Variants in SCAI observed in about 807,000 individuals in gnomAD.
SCAI encodes the protein protein SCAI.
In SCAI, 24 loss-of-function variants were observed where a neutral mutation model predicts 92.2. The observed-to-expected ratio is 0.26, with a 90% CI of 0.19 to 0.37. The LOEUF (loss-of-function observed/expected upper bound fraction) is 0.37, where lower values mean the gene tolerates loss of function less well. SCAI is among the 10% of genes least tolerant of loss of function. The pLI is 1.00. For synonymous variants in SCAI, 261 were observed against 258.6 expected (o/e 1.01, Z -0.09); for missense variants, 450 against 736.2 (o/e 0.61, Z 4.50).
At chr9:125,137,217 A>T (rs1167836287) in intron 2 of SCAI, among the ~76,000 whole-genome samples, 1 of 152,162 alleles carries the variant, frequency 6.6e-6, no homozygotes, top group Non-Finnish European at 1.5e-5. Context: ...CTTTAAATAC[A>T]TGTGCTGGTT....
chr9:125,038,521 G>A (rs1211470076), intron 3 of SCAI, among the ~76,000 whole-genome samples: 4 of 152,146 alleles, frequency 2.6e-5, no homozygotes, highest in Non-Finnish European at 4.4e-5. Flanking sequence ...TTCTGAATAT[G>A]TCTTCTTGAT....
intron 2 of SCAI, among the ~76,000 whole-genome samples, chr9:125,058,404 A>G (rs1036450328): frequency 6.6e-6 from 1 of 152,154 alleles, no homozygotes; most frequent in Admixed American, 6.6e-5. Flanking sequence ...GTCCCCAGCT[A>G]CTAGGAAGGC....
At chr9:125,092,676 C>T (rs1288865464) in intron 2 of SCAI, among the ~76,000 whole-genome samples, 1 of 152,242 alleles carries the variant, frequency 6.6e-6, no homozygotes, top group Non-Finnish European at 1.5e-5. Context: ...ATCAACTGTT[C>T]TCTTCTTGCA....
intron 2 of SCAI, among the ~76,000 whole-genome samples, chr9:125,077,377 CT>C (rs1236813997): frequency 1.5e-4 from 23 of 152,194 alleles, no homozygotes; most frequent in African/African-American, 4.8e-4. Flanking sequence ...CAGACTTTCA[CT>C]TTTTGGCTAC....
At chr9:124,988,019 G>A (rs929418362) in intron 14 of SCAI, among the ~76,000 whole-genome samples, 2 of 151,116 alleles carry the variant, frequency 1.3e-5, no homozygotes, top group Non-Finnish European at 2.9e-5. Context: ...ACTGGGTAAG[G>A]ATATATGTAT....
At chr9:125,037,784 C>T (rs1043177234) in intron 3 of SCAI, among the ~76,000 whole-genome samples, 4 of 151,930 alleles carry the variant, frequency 2.6e-5, no homozygotes, top group Non-Finnish European at 5.9e-5. Flanking sequence ...GGTCTGGTGG[C>T]GAACGCCTAT....
chr9:124,989,579 C>T (rs996720980), intron 14 of SCAI, among the ~76,000 whole-genome samples: 3 of 151,606 alleles, frequency 2.0e-5, no homozygotes, highest in African/African-American at 7.3e-5. Context: ...GAGACTGCAT[C>T]TCAAAAAAAT....
intron 9 of SCAI, among the ~76,000 whole-genome samples, chr9:125,008,047 G>A (rs867654563): frequency 4.5e-4 from 68 of 151,660 alleles, no homozygotes; most frequent in Middle Eastern, 3.4e-3. Flanking sequence ...GGGTTTCACC[G>A]TGTTAGCCAG....
intron 3 of SCAI, among the ~76,000 whole-genome samples, chr9:125,053,430 C>A (rs985546753): frequency 2.0e-4 from 31 of 152,168 alleles, no homozygotes; most frequent in African/African-American, 7.5e-4. Flanking sequence ...TGTCTATCAA[C>A]TGATGACTGG....
chr9:124,998,648 GAC>G lies in SCAI; in HGVS notation c.1244+1241_1244+1242del, dbSNP rs564122093. On this transcript the variant is annotated intron_variant, in intron 13 of 17. Transcript: ENST00000336505. ...TTTATTTTCTCTTTTTTGTTTTTTT[GAC>G]ACAGAGTCTTGCTCTATCACCCAGA... 2.8e-3 allele frequency among the ~76,000 whole-genome samples: 419 copies of G among 151,234 alleles called. 2 individuals carry two copies. Among genetic ancestry groups the G allele is most frequent in the African/African-American group, 9.6e-3 (395 of 41,256 alleles).
At chr9:125,132,417 A>G (rs1158281411) in intron 2 of SCAI, among the ~76,000 whole-genome samples, 1 of 151,968 alleles carries the variant, frequency 6.6e-6, no homozygotes, top group Non-Finnish European at 1.5e-5. Context: ...CAGCCATTGG[A>G]TTACAGGTGT....
chr9:125,143,007 C>T (rs1186580585), intron 1 of SCAI, among the ~76,000 whole-genome samples: 1 of 151,104 alleles, frequency 6.6e-6, no homozygotes, highest in Non-Finnish European at 1.5e-5. Context: ...CGCAAGCCCC[C>T]CTAGCCTCCC....
intron 11 of SCAI, among the ~76,000 whole-genome samples, chr9:125,002,888 C>G (rs992835347): frequency 2.2e-4 from 33 of 149,898 alleles, no homozygotes; most frequent in Admixed American, 7.3e-4. Context: ...ACATCATAAG[C>G]AATTTTCATT....
chr9:125,116,371 G>A lies in SCAI; in HGVS notation c.98+26262C>T, dbSNP rs972743705. 2.0e-5 allele frequency among the ~76,000 whole-genome samples: 3 copies of A among 152,096 alleles called. No homozygotes were observed. In the East Asian group the frequency reaches 5.8e-4, roughly 29 times the overall value. On this transcript the variant is annotated intron_variant, in intron 2 of 17. Transcript: ENST00000336505. The stretch of plus-strand genomic sequence containing the variant: ...CCCTGCCCTCACAGGGCTTGTATTT[G>A]AGCAGAGGAAGGAAGACAGAAAGCA...
intron 2 of SCAI, among the ~76,000 whole-genome samples, chr9:125,141,467 A>G (rs1835664489): frequency 6.6e-6 from 1 of 152,248 alleles, no homozygotes; most frequent in African/African-American, 2.4e-5. Flanking sequence ...CAGAATTGCT[A>G]TGTAGTACCT....
At chr9:125,039,505 G>A (rs1242100849) in intron 3 of SCAI, among the ~76,000 whole-genome samples, 6 of 151,968 alleles carry the variant, frequency 3.9e-5, no homozygotes, top group African/African-American at 1.5e-4. Context: ...AGACTTTATC[G>A]ATTAACTTTT....
chr9:125,042,184 A>G (rs1444046573), intron 3 of SCAI, among the ~76,000 whole-genome samples: 2 of 152,220 alleles, frequency 1.3e-5, no homozygotes, highest in Admixed American at 1.3e-4. Context: ...AGCTAATCAT[A>G]TTCTTTTTTC....
At chr9:125,009,652 C>T (rs1367840929) in intron 9 of SCAI, among the ~76,000 whole-genome samples, 1 of 151,932 alleles carries the variant, frequency 6.6e-6, no homozygotes, top group African/African-American at 2.4e-5. Flanking sequence ...TTTGGGAGGC[C>T]AAGCTGGGGG....
At chr9:124,954,274 C>T (rs1831280249) in intron 17 of SCAI, among the ~76,000 whole-genome samples, 1 of 152,228 alleles carries the variant, frequency 6.6e-6, no homozygotes, top group African/African-American at 2.4e-5. Context: ...ATTTTTATAT[C>T]ATTCCATCTA....
Sources: allele counts gnomAD v4.1 joint callset (sites outside exome capture counted in the v4.1 genomes callset), GRCh38; gene constraint gnomAD v4.1.1; transcripts MANE v1.5; gene names NCBI Gene and HGNC (gene_info 2026-07-23, HGNC 2026-07-21).